Variants in ADIPOR1 observed in about 807,000 individuals in gnomAD.
The protein encoded by ADIPOR1 is adiponectin receptor protein 1.
In ADIPOR1, 15 loss-of-function variants were observed where a neutral mutation model predicts 37.5. The observed-to-expected ratio is 0.40, with a 90% CI of 0.27 to 0.62. ADIPOR1 has a LOEUF of 0.62. Ranked by LOEUF, ADIPOR1 falls within the 20% of genes least tolerant of loss-of-function variation. The pLI, the probability that ADIPOR1 is intolerant of heterozygous loss-of-function variation, is 0.42. For synonymous variants in ADIPOR1, 173 were observed against 173.2 expected (o/e 1.00, Z 0.01); for missense variants, 286 against 478.0 (o/e 0.60, Z 3.75).
rs568043410 is a variant in ADIPOR1 at position 202,949,318 on chromosome 1, C to T, written c.142-898G>A. On this transcript the variant is annotated intron_variant, in intron 2 of 7. Transcript: ENST00000340990. Reference sequence around the variant, plus strand: ...CCAGAGGGCCGGGCGCGGTGGCTCACGCCTGTAATCCCAGCACTTTGGGAG... The same window carrying T: ...CCAGAGGGCCGGGCGCGGTGGCTCATGCCTGTAATCCCAGCACTTTGGGAG... 2.8e-3 allele frequency among the ~76,000 whole-genome samples: 424 copies of T among 151,580 alleles called. 2 individuals are homozygous for T. The highest frequency in any genetic ancestry group is 9.6e-3 in the African/African-American group (396 of 41,416).
rs73091340 is a variant in ADIPOR1, at chr1:202,948,670, C to G, written c.142-250G>C. Among the ~76,000 whole-genome samples the G allele has an allele frequency of 9.3e-3, 1,417 of 152,264 alleles. 30 individuals carry two copies. The highest frequency in any genetic ancestry group is 0.033 in the African/African-American group (1,368 of 41,546). On this transcript the variant is annotated intron_variant, in intron 2 of 7. Transcript: ENST00000340990. ...CGTAAAAGAAGGACTGTCACAGAGA[C>G]TAGCATTGGGGGAATACACCAGCTC...
intron 2 of ADIPOR1, among the ~76,000 whole-genome samples, chr1:202,949,484 G>C (rs746028928): frequency 5.3e-5 from 8 of 150,800 alleles, no homozygotes; most frequent in Non-Finnish European, 1.2e-4. Flanking sequence ...GGAGGCTGAG[G>C]CAGGAGAATG....
At chr1:202,944,200 C>T in intron 5 of ADIPOR1, 1 of 359,878 alleles carries the variant, frequency 2.8e-6, no homozygotes, top group East Asian at 4.4e-5. Flanking sequence ...TAGTGAACAG[C>T]CGTATCTCCC....
Position 202,948,341 on chromosome 1 carries a change from TG to T in ADIPOR1, c.220del (p.His74ThrfsTer31). 2 of 1,613,840 alleles carry T rather than the reference TG, an allele frequency of 1.2e-6. No homozygotes were observed. The highest frequency in any genetic ancestry group is 1.7e-6 in the Non-Finnish European group (2 of 1,179,888). On this transcript the variant is annotated frameshift_variant, in exon 3 of 8. Transcript: ENST00000340990. LOFTEE classifies it high-confidence loss of function. ...VRVLTLPLQA[H>X]HAMEKMEEFV... ...CTCTTCCATCTTCTCCATGGCGTGG[TG>T]GGCTTGCAGGGGAAGTGTCAGTACC...
chr1:202,952,205 G>C (rs1654604445), intron 1 of ADIPOR1, among the ~76,000 whole-genome samples: 1 of 152,150 alleles, frequency 6.6e-6, no homozygotes, highest in Admixed American at 6.5e-5. Context: ...GACTTTATTA[G>C]TTATAGCAAT....
At chr1:202,947,678 C>T (rs12045862) in intron 3 of ADIPOR1, among the ~76,000 whole-genome samples, 37,725 of 152,060 alleles carry the variant, frequency 0.25, 5,694 homozygotes, top group East Asian at 0.57. Context: ...TGTCTCATCC[C>T]TCCCCCAATT....
intron 1 of ADIPOR1, among the ~76,000 whole-genome samples, chr1:202,951,555 G>A (rs1654581233): frequency 6.6e-6 from 1 of 152,224 alleles, no homozygotes; most frequent in South Asian, 2.1e-4. Context: ...CTCTGAGACC[G>A]AGGAATAAAA....
Position 202,948,343 on chromosome 1 carries a change from G to A in ADIPOR1, c.219C>T (p.Ala73=). 6.2e-7 allele frequency: 1 copy of A among 1,613,850 alleles called. No individual in the cohort carries two copies. Among genetic ancestry groups the A allele is most frequent in the Non-Finnish European group, 8.5e-7 (1 of 1,179,896 alleles). Residue 73 remains alanine, a synonymous_variant, in exon 3 of 8, where the codon GCC becomes GCT. Transcript: ENST00000340990. Reference sequence around the variant, plus strand: ...CTTCCATCTTCTCCATGGCGTGGTGGGCTTGCAGGGGAAGTGTCAGTACCC... The same window carrying A: ...CTTCCATCTTCTCCATGGCGTGGTGAGCTTGCAGGGGAAGTGTCAGTACCC... The part of the protein sequence containing the change: ...EVRVLTLPLQ[A]HHAMEKMEEF...
Position 202,943,871 on chromosome 1 carries a change from G to T in ADIPOR1, c.692C>A (p.Ser231Tyr), listed in dbSNP as rs1383156888. 6.2e-7 allele frequency: 1 copy of T among 1,614,164 alleles called. No individual in the cohort carries two copies. ...VPWLYYSFYC[S>Y]PQPRLIYLSI... ...GAGGTAGATGAGCCGTGGCTGTGGG[G>T]AGCAGTAGAAGGAATAATAGAGCCA... Residue 231 changes from serine to tyrosine, a missense_variant, in exon 6 of 8, where the codon TCC becomes TAC. Coordinates refer to ENST00000340990, the MANE Select transcript of ADIPOR1 (RefSeq NM_015999.6).
chr1:202,949,229 C>T (rs1478527912), intron 2 of ADIPOR1, among the ~76,000 whole-genome samples: 1 of 152,000 alleles, frequency 6.6e-6, no homozygotes, highest in East Asian at 1.9e-4. Context: ...CCAGGAGTAC[C>T]AGGGCCTCAG....
intron 3 of ADIPOR1, 81 bp downstream of exon 3, chr1:202,948,223 C>T: frequency 8.7e-7 from 1 of 1,144,878 alleles, no homozygotes; most frequent in Non-Finnish European, 1.2e-6. Flanking sequence ...CTCTTCGACC[C>T]AGTGCAAGCT....
intron 1 of ADIPOR1, among the ~76,000 whole-genome samples, chr1:202,957,941 C>T (rs10920534): frequency 0.2 from 31,089 of 152,152 alleles, 3,947 homozygotes; most frequent in Non-Finnish European, 0.3. Flanking sequence ...CAGCCGGGGA[C>T]GAGCGCCCAC....
chr1:202,946,321 A>T, intron 4 of ADIPOR1, 118 bp downstream of exon 4: 2 of 1,211,532 alleles, frequency 1.7e-6, no homozygotes. Flanking sequence ...TAAAGTCATT[A>T]GTAGTTTAAA....
intron 1 of ADIPOR1, among the ~76,000 whole-genome samples, chr1:202,952,949 A>C (rs1191305137): frequency 6.6e-6 from 1 of 152,248 alleles, no homozygotes; most frequent in Non-Finnish European, 1.5e-5. Flanking sequence ...CAAGAGAGAC[A>C]AAAACAATAA....
chr1:202,951,932 C>T (rs1304506796), intron 1 of ADIPOR1, among the ~76,000 whole-genome samples: 1 of 152,216 alleles, frequency 6.6e-6, no homozygotes, highest in African/African-American at 2.4e-5. Context: ...TCAACCACCA[C>T]AACCCATAAT....
chr1:202,952,551 C>T (rs987951835), intron 1 of ADIPOR1, among the ~76,000 whole-genome samples: 2 of 152,222 alleles, frequency 1.3e-5, no homozygotes, highest in African/African-American at 4.8e-5. Flanking sequence ...CTCTCTCTGT[C>T]TCTCCCCCTC....
intron 1 of ADIPOR1, among the ~76,000 whole-genome samples, chr1:202,957,925 G>C (rs971331068): frequency 2.6e-5 from 4 of 152,204 alleles, no homozygotes; most frequent in Non-Finnish European, 5.9e-5. Flanking sequence ...GCCGGGAGTC[G>C]GGGGACAGCC....
intron 3 of ADIPOR1, among the ~76,000 whole-genome samples, chr1:202,947,696 A>G (rs1232481021): frequency 6.6e-6 from 1 of 152,138 alleles, no homozygotes; most frequent in Non-Finnish European, 1.5e-5. Flanking sequence ...ATTAGATTCT[A>G]AGTTCTTACC....
chr1:202,943,269 G>T (rs915652638), intron 6 of ADIPOR1, among the ~76,000 whole-genome samples: 1 of 152,188 alleles, frequency 6.6e-6, no homozygotes, highest in East Asian at 1.9e-4. Flanking sequence ...AGTAATAAAA[G>T]CTTAAAATAA....
Sources: allele counts gnomAD v4.1 joint callset (sites outside exome capture counted in the v4.1 genomes callset), GRCh38; gene constraint gnomAD v4.1.1; transcripts MANE v1.5; gene names NCBI Gene and HGNC (gene_info 2026-07-23, HGNC 2026-07-21).